Variants in TMEM260 observed in about 807,000 individuals in gnomAD.
TMEM260 encodes the protein protein O-mannosyl-transferase TMEM260.
TMEM260 carries 82 observed loss-of-function variants against 88.9 expected under a neutral mutation model. The observed-to-expected ratio is 0.92, with a 90% CI of 0.77 to 1.11. TMEM260 has a LOEUF of 1.11. Ranked by LOEUF, TMEM260 falls within the 50% of genes least tolerant of loss-of-function variation. TMEM260 has a pLI of 0.00. For missense variants in TMEM260, 902 were observed against 853.4 expected (o/e 1.06, Z -0.71); for synonymous variants, 314 against 309.3 (o/e 1.02, Z -0.16).
rs760558334 is a variant in TMEM260, at chr14:56,618,754, C to G, written c.1217C>G (p.Ser406Cys). The stretch of plus-strand genomic sequence containing the variant: ...CTTTTTGTAGTTTACCAAATATATT[C>G]TAATTACAGGTAATACATGGTTATT... Reference protein sequence around the residue: ...ATLFVVYQIYSNYSVCDQRTN... With the variant: ...ATLFVVYQIYCNYSVCDQRTN... The change falls in exon 10 of 16, where the codon TCT becomes TGT. Residue 406 changes from serine to cysteine, a missense_variant. Transcript: ENST00000261556. 4.6e-5 allele frequency: 74 copies of G among 1,613,754 alleles called. No individual in the cohort carries two copies. Among genetic ancestry groups the G allele is most frequent in the South Asian group, 1.6e-4 (15 of 91,052 alleles).
chr14:56,609,074 A>G, intron 5 of TMEM260, 32 bp from the exon 6 acceptor site: 2 of 1,594,668 alleles, frequency 1.3e-6, no homozygotes, highest in South Asian at 1.1e-5. Flanking sequence ...TAAAATAAAC[A>G]TTGTTATACC....
At chr14:56,587,298 A>G (rs780354143) in intron 3 of TMEM260, among the ~76,000 whole-genome samples, 10 of 151,958 alleles carry the variant, frequency 6.6e-5, no homozygotes, top group Non-Finnish European at 1.5e-4. Flanking sequence ...TAAATGTTAT[A>G]TAGCTATAAA....
chr14:56,596,629 G>A (rs1158300144), intron 3 of TMEM260, among the ~76,000 whole-genome samples: 4 of 150,138 alleles, frequency 2.7e-5, no homozygotes, highest in African/African-American at 9.7e-5. Flanking sequence ...CAGGCGTGGT[G>A]GTGCATGCCT....
chr14:56,637,000 C>T (rs1237762687), intron 15 of TMEM260, among the ~76,000 whole-genome samples: 1 of 152,084 alleles, frequency 6.6e-6, no homozygotes, highest in Non-Finnish European at 1.5e-5. Context: ...GAGAAGTATA[C>T]ATGATGCAGA....
At chr14:56,659,002 T>A in the TMEM260 span, among the ~76,000 whole-genome samples, 1 of 152,216 alleles carries the variant, frequency 6.6e-6, no homozygotes, top group Admixed American at 6.5e-5. Flanking sequence ...AGTGCTGGGA[T>A]TACAGGCATG....
chr14:56,596,489 G>A (rs1160131649), intron 3 of TMEM260, among the ~76,000 whole-genome samples: 6 of 149,024 alleles, frequency 4.0e-5, no homozygotes, highest in Non-Finnish European at 8.9e-5. Context: ...ATATCAGGCC[G>A]GGCATGGTGG....
Position 56,647,272 on chromosome 14 carries a change from G to A in TMEM260, c.1899G>A (p.Lys633=). ...DLYKEIVYLQ[K]EHPVNWHKNY... ...ATAAGGAGATTGTCTATTTACAAAA[G>A]GAGCACCCAGTGAATTGGCACAAGA... Residue 633 remains lysine, a synonymous_variant, in exon 16 of 16, where the codon AAG becomes AAA. Transcript: ENST00000261556. The A allele has an allele frequency of 6.2e-7, 1 of 1,613,540 alleles. No individual in the cohort carries two copies. Among genetic ancestry groups the A allele is most frequent in the Non-Finnish European group, 8.5e-7 (1 of 1,179,852 alleles).
At chr14:56,583,791 G>C (rs1885293455) in intron 1 of TMEM260, among the ~76,000 whole-genome samples, 1 of 151,884 alleles carries the variant, frequency 6.6e-6, no homozygotes. Flanking sequence ...GTGAGAAGAG[G>C]TGCAAAAGAG....
chr14:56,659,298 CT>C, the TMEM260 span, among the ~76,000 whole-genome samples: 1 of 150,222 alleles, frequency 6.7e-6, no homozygotes, highest in East Asian at 1.9e-4. Context: ...CAAGGCACTC[CT>C]TTTCCCCCTT....
chr14:56,597,827 A>T (rs1276633455), intron 3 of TMEM260, among the ~76,000 whole-genome samples: 2 of 152,198 alleles, frequency 1.3e-5, no homozygotes, highest in African/African-American at 4.8e-5. Flanking sequence ...ACAGAGAGAG[A>T]GAGAGGGAAA....
intron 12 of TMEM260, among the ~76,000 whole-genome samples, chr14:56,626,662 A>G (rs1301300392): frequency 2.0e-5 from 3 of 152,218 alleles, no homozygotes; most frequent in Non-Finnish European, 4.4e-5. Context: ...ACATATGCCA[A>G]GTATTCTGGC....
intron 10 of TMEM260, among the ~76,000 whole-genome samples, chr14:56,620,530 T>C (rs1470407162): frequency 6.6e-6 from 1 of 152,214 alleles, no homozygotes; most frequent in Non-Finnish European, 1.5e-5. Context: ...TTGCACAGGC[T>C]AGGTGTTTTT....
intron 1 of TMEM260, among the ~76,000 whole-genome samples, chr14:56,583,259 A>AAACTATTT (rs1301094229): frequency 6.6e-6 from 1 of 152,188 alleles, no homozygotes; most frequent in Non-Finnish European, 1.5e-5. Flanking sequence ...GTGAGACCAT[A>AAACTATTT]AACTATTTAA....
chr14:56,624,008 T>C (rs1288334907), intron 11 of TMEM260, among the ~76,000 whole-genome samples: 1 of 152,192 alleles, frequency 6.6e-6, no homozygotes, highest in Non-Finnish European at 1.5e-5. Flanking sequence ...TTTTTTCTAA[T>C]ATAAGTAAAT....
chr14:56,608,465 A>G (rs1263343257), intron 5 of TMEM260, among the ~76,000 whole-genome samples: 1 of 152,178 alleles, frequency 6.6e-6, no homozygotes, highest in Non-Finnish European at 1.5e-5. Context: ...AATGAGAAAT[A>G]TATTTTCCCA....
chr14:56,589,134 T>C lies in TMEM260; in HGVS notation c.344+3222T>C, dbSNP rs74681261. Among the ~76,000 whole-genome samples the C allele has an allele frequency of 1.1e-3, 164 of 152,238 alleles. 4 individuals carry two copies. In the East Asian group the frequency reaches 0.031, roughly 29 times the overall value. ...TCACTATCATTAAACATCTATATTC[T>C]CATCCTTCATATGTTCCGGTATCAC... On this transcript the variant is annotated intron_variant, in intron 3 of 15. Transcript: ENST00000261556.
chr14:56,586,537 C>T (rs764285361), intron 3 of TMEM260, among the ~76,000 whole-genome samples: 3 of 152,028 alleles, frequency 2.0e-5, no homozygotes, highest in African/African-American at 4.8e-5. Context: ...TGCTGGTAAC[C>T]CATTGTCTTT....
intron 7 of TMEM260, chr14:56,613,483 A>G (rs1165797245): frequency 6.6e-6 from 1 of 152,230 alleles, no homozygotes; most frequent in East Asian, 1.9e-4. Flanking sequence ...ACATGCAGAG[A>G]TAACCACTGT....
intron 15 of TMEM260, chr14:56,638,413 A>G (rs1430158243): frequency 6.6e-6 from 1 of 152,164 alleles, no homozygotes; most frequent in African/African-American, 2.4e-5. Context: ...TCTATGAAAA[A>G]CAAGTAGTAT....
Sources: allele counts gnomAD v4.1 joint callset (sites outside exome capture counted in the v4.1 genomes callset), GRCh38; gene constraint gnomAD v4.1.1; transcripts MANE v1.5; gene names NCBI Gene and HGNC (gene_info 2026-07-23, HGNC 2026-07-21).